Variants in MGST1 observed in about 807,000 individuals in gnomAD.
The protein encoded by MGST1 is microsomal glutathione S-transferase 1, also known as glutathione S-transferase 12.
MGST1 carries 5 observed loss-of-function variants against 8.9 expected under a neutral mutation model. The ratio of observed to expected loss-of-function variants is 0.56; its 90% CI spans 0.29 to 1.19. The LOEUF is 1.19. MGST1 is among the 50% of genes most tolerant of loss of function. The pLI, the probability that MGST1 is intolerant of heterozygous loss-of-function variation, is 0.08. For missense variants in MGST1, 182 were observed against 187.4 expected, an observed-to-expected ratio of 0.97 and a Z score of 0.17; for synonymous variants, 54 against 67.8, an observed-to-expected ratio of 0.80 and a Z score of 1.00.
At chr12:16,399,296 G>A (rs1940632487) in intron 1 of MGST1, 1 of 1,605,778 alleles carries the variant, frequency 6.2e-7, no homozygotes, top group Non-Finnish European at 8.5e-7. Context: ...TTTTCTTGGG[G>A]GGTGCAGAGC....
In MGST1 at chr12:16,401,708, A is replaced by C. The variant is rs1940656646; in HGVS notation, n.778+18104A>C. 2.5e-6 allele frequency: 4 copies of C among 1,602,710 alleles called. No homozygotes were observed. Among genetic ancestry groups the C allele is most frequent in the East Asian group, 2.2e-5 (1 of 44,836 alleles). ...TGATAGGAGGGTAACACATTTCCAC[A>C]GTAGAAGGGTCTGCCCCAGCAAGGT... is the stretch of plus-strand genomic sequence containing the variant. On this transcript the variant is annotated intron_variant and non_coding_transcript_variant, in intron 1 of 1. Coordinates refer to the MGST1 transcript ENST00000359720. This position sits in a 1 kb window ranked among gnomAD's most constrained non-coding sequence, Gnocchi z 4.3.
intron 4 of MGST1, among the ~76,000 whole-genome samples, chr12:16,467,932 G>A (rs1203721545): frequency 6.6e-6 from 1 of 152,186 alleles, no homozygotes; most frequent in Non-Finnish European, 1.5e-5. Flanking sequence ...GTTTGACTGT[G>A]ATGAGAATGG....
At position 16,464,139 on chromosome 12, in the gene MGST1, A is replaced by G. The variant is rs16911941; in HGVS notation, n.482+80535A>G. Among the ~76,000 whole-genome samples the G allele has an allele frequency of 9.3e-3, 1,419 of 152,368 alleles. 83 individuals are homozygous for G. In the East Asian group the frequency reaches 0.17, roughly 19 times the overall value. ...TTATAAGTCATAAGAATTATGGGAA[A>G]TAATTTACATAAAAGATTGTTTTTT... On this transcript the variant is annotated intron_variant and non_coding_transcript_variant, in intron 4 of 4. Coordinates refer to the MGST1 transcript ENST00000538857.
chr12:16,427,004 T>C (rs1163667958), intron 1 of MGST1, among the ~76,000 whole-genome samples: 2 of 150,360 alleles, frequency 1.3e-5, no homozygotes, highest in Non-Finnish European at 1.5e-5. Flanking sequence ...CAAAACAGAA[T>C]TATATTCATT....
Position 16,586,122 on chromosome 12 carries a change from A to G in MGST1, n.483-3406A>G, listed in dbSNP as rs1470036929. Among the ~76,000 whole-genome samples, 1 of 152,210 alleles carries G rather than the reference A, an allele frequency of 6.6e-6. No individual in the cohort carries two copies. The highest frequency in any genetic ancestry group is 1.5e-5 in the Non-Finnish European group (1 of 68,028). ...GCCAAAACAATAGGGGTCAAGATCA[A>G]AGACACAGGGAAGGATAAATTAAAA... On this transcript the variant is annotated intron_variant and non_coding_transcript_variant, in intron 4 of 4. Transcript: ENST00000538857. This position sits in a 1 kb window ranked among gnomAD's most constrained non-coding sequence, Gnocchi z 4.3.
intron 4 of MGST1, among the ~76,000 whole-genome samples, chr12:16,509,296 A>G (rs1381131658): frequency 1.3e-5 from 2 of 152,154 alleles, no homozygotes; most frequent in African/African-American, 2.4e-5. Flanking sequence ...TATACAAACA[A>G]TAGATTTTCA....
chr12:16,574,845 G>A (rs1942941070), intron 4 of MGST1, among the ~76,000 whole-genome samples: 1 of 152,150 alleles, frequency 6.6e-6, no homozygotes, highest in African/African-American at 2.4e-5. Context: ...AGTATAGAGA[G>A]GTAGCAGTGA....
chr12:16,453,403 A>G (rs1243600722), intron 4 of MGST1, among the ~76,000 whole-genome samples: 2 of 152,068 alleles, frequency 1.3e-5, no homozygotes, highest in East Asian at 3.9e-4. Context: ...AGCCTACTTA[A>G]AACAACAAGT....
At chr12:16,539,103 A>G (rs1259643938) in intron 4 of MGST1, among the ~76,000 whole-genome samples, 1 of 152,214 alleles carries the variant, frequency 6.6e-6, no homozygotes, top group Non-Finnish European at 1.5e-5. Context: ...AGTACAATTC[A>G]AGATGATATC....
At chr12:16,371,103 A>T (rs1347191053) in intron 3 of MGST1, among the ~76,000 whole-genome samples, 1 of 152,126 alleles carries the variant, frequency 6.6e-6, no homozygotes, top group African/African-American at 2.4e-5. Flanking sequence ...CAGACATTGA[A>T]CATACTATCA....
intron 4 of MGST1, among the ~76,000 whole-genome samples, chr12:16,540,748 T>C (rs1206975840): frequency 1.3e-5 from 2 of 152,030 alleles, no homozygotes; most frequent in African/African-American, 2.4e-5. Flanking sequence ...CTGGGCAAAA[T>C]GGTGAAACCC....
downstream of MGST1, among the ~76,000 whole-genome samples, chr12:16,364,623 AC>A (rs1204786625): frequency 1.3e-5 from 2 of 152,056 alleles, no homozygotes; most frequent in African/African-American, 4.8e-5. This position sits in a 1 kb window ranked among gnomAD's most constrained non-coding sequence, Gnocchi z 5.7. Flanking sequence ...ACTCTTTAAA[AC>A]TTCAGCACGT....
intron 4 of MGST1, among the ~76,000 whole-genome samples, chr12:16,571,655 C>T (rs1438992569): frequency 1.3e-5 from 2 of 151,964 alleles, no homozygotes; most frequent in African/African-American, 2.4e-5. Context: ...AATGAGAACT[C>T]AAAGGTTTCA....
chr12:16,478,745 A>T (rs1198304914), intron 4 of MGST1, among the ~76,000 whole-genome samples: 1 of 152,124 alleles, frequency 6.6e-6, no homozygotes, highest in African/African-American at 2.4e-5. Flanking sequence ...TACCCCTCAA[A>T]AAAACAAAAT....
intron 4 of MGST1, among the ~76,000 whole-genome samples, chr12:16,457,868 CAT>C (rs1380860921): frequency 1.3e-5 from 2 of 151,876 alleles, no homozygotes; most frequent in Non-Finnish European, 2.9e-5. Flanking sequence ...TGCTCTGAAA[CAT>C]ATTCTTTGAA....
At chr12:16,425,101 C>T (rs12297534) in intron 1 of MGST1, among the ~76,000 whole-genome samples, 16,213 of 151,996 alleles carry the variant, frequency 0.11, 2,751 homozygotes, top group African/African-American at 0.36. Flanking sequence ...TACATGGAAC[C>T]CAGGGTTAGA....
chr12:16,509,478 T>C (rs1002154125), intron 4 of MGST1, among the ~76,000 whole-genome samples: 4 of 152,216 alleles, frequency 2.6e-5, no homozygotes, highest in Non-Finnish European at 5.9e-5. Flanking sequence ...GTAAACACTA[T>C]AGCTTTAGTC....
At chr12:16,573,523 A>C (rs750539304) in intron 4 of MGST1, 3 of 152,186 alleles carry the variant, frequency 2.0e-5, no homozygotes, top group Non-Finnish European at 4.4e-5. Context: ...TGTCAAAAAA[A>C]CCTGTCAGCT....
rs1440347613 is a variant in MGST1 at position 16,482,130 on chromosome 12, G to A, written n.482+98526G>A. Among the ~76,000 whole-genome samples the A allele has an allele frequency of 5.9e-5, 9 of 152,166 alleles. No individual in the cohort carries two copies. In the South Asian group the frequency reaches 6.2e-4, roughly 11 times the overall value. On this transcript the variant is annotated intron_variant and non_coding_transcript_variant, in intron 4 of 4. Transcript: ENST00000538857. The surrounding 1 kb of genome is among the most constrained non-coding windows in gnomAD (Gnocchi z 4.2). ...ATTCTAGCTAAATTTTACTTAAAAC[G>A]CTGAAGGAAAATAAAGATATTTTCA...
Sources: gnomAD v4.1 joint callset for allele counts (sites outside exome capture counted in the v4.1 genomes callset) on GRCh38, gnomAD v4.1.1 for gene constraint, Gnocchi (gnomAD v3.1) non-coding constraint, MANE v1.5 for transcripts, NCBI Gene and HGNC (gene_info 2026-07-23, HGNC 2026-07-21) for gene names.